Variants in PCDHGA6 observed in about 807,000 individuals in gnomAD.
PCDHGA6 encodes protocadherin gamma subfamily A, 6, also known as protocadherin gamma-A6.
In PCDHGA6, 41 loss-of-function variants were observed where a neutral mutation model predicts 60.6. The ratio of observed to expected loss-of-function variants is 0.68; its 90% CI spans 0.53 to 0.88. The LOEUF (loss-of-function observed/expected upper bound fraction) is 0.88. PCDHGA6 is among the 40% of genes least tolerant of loss of function. The pLI is 0.00. For missense variants in PCDHGA6, 1,312 were observed against 1,203.0 expected (o/e 1.09, Z -1.34); for synonymous variants, 594 against 524.4 (o/e 1.13, Z -1.81).
chr5:141,431,505 C>T lies in PCDHGA6; in HGVS notation c.2424+54998C>T. 1.2e-6 allele frequency: 2 copies of T among 1,614,018 alleles called. No individual in the cohort carries two copies. The highest frequency in any genetic ancestry group is 1.7e-6 in the Non-Finnish European group (2 of 1,180,028). On this transcript the variant is annotated intron_variant, in intron 1 of 3. Coordinates refer to ENST00000517434, the MANE Select transcript of PCDHGA6 (RefSeq NM_018919.3). This position sits in a 1 kb window ranked among gnomAD's most constrained non-coding sequence, Gnocchi z 4.8. ...GCGTTTGCTCAGCCCGAGTACCGCG[C>T]GAGCGTTCCGGAGAATCTGGCCTTG...
At chr5:141,465,318 A>G (rs1440554123) in intron 1 of PCDHGA6, among the ~76,000 whole-genome samples, 1 of 152,198 alleles carries the variant, frequency 6.6e-6, no homozygotes, top group Non-Finnish European at 1.5e-5. Flanking sequence ...AGCCATGTCA[A>G]TGCAGTATTT....
intron 1 of PCDHGA6, chr5:141,421,262 GGCT>G (rs748368476): frequency 2.1e-5 from 34 of 1,608,226 alleles, no homozygotes; most frequent in Admixed American, 5.1e-5. Flanking sequence ...GACCGCAGTC[GGCT>G]GCTGCTGCTG....
At chr5:141,508,033 C>A (rs1596123382) in intron 3 of PCDHGA6, 1 of 152,290 alleles carries the variant, frequency 6.6e-6, no homozygotes, top group Non-Finnish European at 1.5e-5. Flanking sequence ...GTTTGCAGCT[C>A]AGCCAGCTGT....
intron 1 of PCDHGA6, chr5:141,390,004 T>C (rs749173529): frequency 1.9e-6 from 3 of 1,614,044 alleles, no homozygotes; most frequent in Admixed American, 1.7e-5. Flanking sequence ...GCCATGATTC[T>C]GGCCATTGCC....
At chr5:141,418,868 G>A in intron 1 of PCDHGA6, 2 of 1,613,998 alleles carry the variant, frequency 1.2e-6, no homozygotes, top group Non-Finnish European at 1.7e-6. Flanking sequence ...AATTGTAGAA[G>A]TTGTAGACGA....
intron 1 of PCDHGA6, chr5:141,383,029 T>G: frequency 6.2e-7 from 1 of 1,613,808 alleles, no homozygotes; most frequent in Non-Finnish European, 8.5e-7. Flanking sequence ...CAAAGGGTCC[T>G]TTGTGGGAGA....
chr5:141,415,506 C>G, intron 1 of PCDHGA6: 1 of 1,614,148 alleles, frequency 6.2e-7, no homozygotes, highest in Non-Finnish European at 8.5e-7. Flanking sequence ...TCCCCCAGCC[C>G]AATTATGCGG....
At chr5:141,452,460 G>A (rs750887712) in intron 1 of PCDHGA6, among the ~76,000 whole-genome samples, 1 of 152,140 alleles carries the variant, frequency 6.6e-6, no homozygotes, top group Non-Finnish European at 1.5e-5. Flanking sequence ...GTCAGCAGAC[G>A]GAGCTAGGAA....
At position 141,404,694 on chromosome 5, in the gene PCDHGA6, C is replaced by G. The variant is rs749803871; in HGVS notation, c.2424+28187C>G. 3.1e-6 allele frequency: 5 copies of G among 1,613,998 alleles called. No individual in the cohort carries two copies. In the Admixed American group the frequency reaches 5.0e-5, roughly 16 times the overall value. On this transcript the variant is annotated intron_variant, in intron 1 of 3. Coordinates refer to ENST00000517434, the MANE Select transcript of PCDHGA6 (RefSeq NM_018919.3). ...ACTGGTGTGGAGCTGGCACCCCGCT[C>G]TGCAGAGCCTGGCTACCTGGTGACC...
intron 2 of PCDHGA6, among the ~76,000 whole-genome samples, chr5:141,501,290 T>TACACATACAC (rs1224133816): frequency 4.6e-4 from 62 of 136,246 alleles, no homozygotes; most frequent in Admixed American, 7.0e-4. Flanking sequence ...TATTCCCTTA[T>TACACATACAC]ACACACACAC....
At chr5:141,475,329 A>G (rs1229101617) in intron 1 of PCDHGA6, among the ~76,000 whole-genome samples, 1 of 152,266 alleles carries the variant, frequency 6.6e-6, no homozygotes, top group Non-Finnish European at 1.5e-5. Context: ...AATGAGAGCT[A>G]ACAATGACAT....
chr5:141,464,419 A>C (rs2099083824), intron 1 of PCDHGA6, among the ~76,000 whole-genome samples: 1 of 151,658 alleles, frequency 6.6e-6, no homozygotes, highest in Non-Finnish European at 1.5e-5. Flanking sequence ...ATATATCTAT[A>C]TATATAGATA....
intron 1 of PCDHGA6, chr5:141,392,890 T>G (rs2092623202): frequency 3.1e-6 from 5 of 1,613,418 alleles, no homozygotes; most frequent in Admixed American, 1.7e-5. Context: ...CTGTGGGAAA[T>G]CGGGAGGGGA....
rs1477534800 is a variant in PCDHGA6, at chr5:141,404,988, A to G, written c.2424+28481A>G. The G allele has an allele frequency of 5.0e-6, 8 of 1,613,868 alleles. 1 individual carries two copies. The South Asian group carries it at 7.7e-5, about 16-fold the overall frequency. On this transcript the variant is annotated intron_variant, in intron 1 of 3. Coordinates refer to ENST00000517434, the MANE Select transcript of PCDHGA6 (RefSeq NM_018919.3). ...ATCCTGGCTGACCTGGGCAGTCTTCAGATCCCTGCAGACCTGGAGGCCTCA... is the reference window on the plus strand; with the variant it reads ...ATCCTGGCTGACCTGGGCAGTCTTCGGATCCCTGCAGACCTGGAGGCCTCA...
chr5:141,459,105 T>C (rs904382532), intron 1 of PCDHGA6, among the ~76,000 whole-genome samples: 7 of 152,208 alleles, frequency 4.6e-5, no homozygotes, highest in Non-Finnish European at 7.4e-5. Flanking sequence ...GCAATGCATT[T>C]TGACAATTGT....
Position 141,512,931 on chromosome 5 carries a change from C to T in PCDHGA6, c.*1758C>T, listed in dbSNP as rs2099884512. On this transcript the variant is annotated 3_prime_UTR_variant, in exon 4 of 4. Transcript: ENST00000517434. ...GTTTTATACTCTAATATTTATATGG[C>T]TTTTTTTCTTCGACAAAAAAATAAT... The T allele has an allele frequency of 6.6e-6, 1 of 152,006 alleles. No homozygotes were observed. The highest frequency in any genetic ancestry group is 2.4e-5 in the African/African-American group (1 of 41,414). The allele number at this position is 152,006 out of a possible 1,614,324, so 9.4% of individuals were successfully genotyped here.
chr5:141,392,775 A>C (rs777775450), intron 1 of PCDHGA6: 1 of 1,524,280 alleles, frequency 6.6e-7, no homozygotes, highest in South Asian at 1.3e-5. Context: ...CCATTTATGC[A>C]CAGTGAAGAT....
chr5:141,487,595 G>C lies in PCDHGA6; in HGVS notation c.2425-7212G>C. ...TGTTCGCCCAAGCTGCCCACCCTCT[G>C]ATCTTCTCTATGGGCTAGAGGTGAG... On this transcript the variant is annotated intron_variant, in intron 1 of 3. Coordinates refer to ENST00000517434, the MANE Select transcript of PCDHGA6 (RefSeq NM_018919.3). The surrounding 1 kb of genome is among the most constrained non-coding windows in gnomAD (Gnocchi z 5.0). 1 of 1,614,202 alleles carries C rather than the reference G, an allele frequency of 6.2e-7. No homozygotes were observed. The highest frequency in any genetic ancestry group is 8.5e-7 in the Non-Finnish European group (1 of 1,180,038).
Position 141,491,965 on chromosome 5 carries a change from G to A in PCDHGA6, c.2425-2842G>A. 1 of 946,810 alleles carries A rather than the reference G, an allele frequency of 1.1e-6. No individual in the cohort carries two copies. Among genetic ancestry groups the A allele is most frequent in the Non-Finnish European group, 1.5e-6 (1 of 672,398 alleles). 58.7% of individuals were successfully genotyped at this position (946,810 alleles called of 1,614,324 possible). On this transcript the variant is annotated intron_variant, in intron 1 of 3. Coordinates refer to ENST00000517434, the MANE Select transcript of PCDHGA6 (RefSeq NM_018919.3). The surrounding 1 kb of genome is among the most constrained non-coding windows in gnomAD (Gnocchi z 6.9). ...CCCACCCCTACACTCAAAAAAGGCC[G>A]GGGCCTCCTTCGAGCTTCCGGTGAA...
Sources: allele counts gnomAD v4.1 joint callset (sites outside exome capture counted in the v4.1 genomes callset), GRCh38; gene constraint gnomAD v4.1.1; non-coding constraint Gnocchi (gnomAD v3.1); transcripts MANE v1.5; gene names NCBI Gene and HGNC (gene_info 2026-07-23, HGNC 2026-07-21).